The following PAG1 variants were observed in gnomAD, a reference collection of about 807,000 sequenced individuals.
PAG1 encodes the protein phosphoprotein membrane anchor with glycosphingolipid microdomains 1.
Under a neutral mutation model 31.7 loss-of-function variants are expected in PAG1, and 23 were observed. That is an observed-to-expected ratio of 0.73 (90% CI 0.52 to 1.03). The LOEUF (loss-of-function observed/expected upper bound fraction) is 1.03, where lower values mean the gene tolerates loss of function less well. PAG1 is among the 50% of genes least tolerant of loss of function. The pLI, the probability that PAG1 is intolerant of heterozygous loss-of-function variation, is 0.00. For missense variants in PAG1, 473 were observed against 540.7 expected (o/e 0.87, Z 1.24); for synonymous variants, 214 against 210.3 (o/e 1.02, Z -0.15).
In PAG1 at chr8:81,062,770, C is replaced by T. The variant is rs143990444; in HGVS notation, c.-175+7342G>A. Among the ~76,000 whole-genome samples, 531 of 152,190 alleles carry T rather than the reference C, an allele frequency of 3.5e-3. 4 individuals carry two copies. Among genetic ancestry groups the T allele is most frequent in the African/African-American group, 0.012 (504 of 41,518 alleles). ...CATAGTTCACTGCAGCCACAAACTC[C>T]AGGACTCAGGTGATCCTCCCACCTC... On this transcript the variant is annotated intron_variant, in intron 2 of 8. Coordinates refer to ENST00000220597, the MANE Select transcript of PAG1 (RefSeq NM_018440.4).
chr8:81,003,820 T>C (rs1038901025), intron 3 of PAG1, among the ~76,000 whole-genome samples: 14 of 152,196 alleles, frequency 9.2e-5, no homozygotes, highest in African/African-American at 3.4e-4. Flanking sequence ...AAATTCTTAA[T>C]GTGATCAATA....
At chr8:80,997,507 G>A (rs184474333) in intron 3 of PAG1, among the ~76,000 whole-genome samples, 40 of 152,094 alleles carry the variant, frequency 2.6e-4, no homozygotes, top group Non-Finnish European at 3.5e-4. Flanking sequence ...CTCCCACCTC[G>A]GCCTCCCAAA....
intron 7 of PAG1, among the ~76,000 whole-genome samples, chr8:80,980,734 T>C (rs1282227675): frequency 6.6e-6 from 1 of 152,244 alleles, no homozygotes; most frequent in Non-Finnish European, 1.5e-5. Context: ...CATCTGTAGG[T>C]ACAAAGAAGC....
chr8:81,000,666 T>A (rs889605201), intron 3 of PAG1, among the ~76,000 whole-genome samples: 3 of 152,142 alleles, frequency 2.0e-5, no homozygotes, highest in Non-Finnish European at 4.4e-5. Flanking sequence ...GGTCTTGAAC[T>A]CCTGATCTCA....
rs1378638861 is a variant in PAG1 at position 80,973,005 on chromosome 8, A to C, written c.*3539T>G. 6.6e-6 allele frequency: 1 copy of C among 151,682 alleles called. No individual in the cohort carries two copies. The highest frequency in any genetic ancestry group is 1.5e-5 in the Non-Finnish European group (1 of 67,932). 9.4% of individuals were successfully genotyped at this position (151,682 alleles called of 1,614,324 possible). On this transcript the variant is annotated 3_prime_UTR_variant, in exon 9 of 9. Transcript: ENST00000220597. ...TTAAGTAAATGCTCTAATTAGCAAA[A>C]ATCATGAGAAATATATACAGTGATA...
chr8:81,069,782 T>C (rs1184183597), intron 2 of PAG1, among the ~76,000 whole-genome samples: 3 of 152,194 alleles, frequency 2.0e-5, no homozygotes, highest in African/African-American at 7.2e-5. Flanking sequence ...AGGAAAGAGA[T>C]TGAGACAGAG....
At position 80,976,690 on chromosome 8, in the gene PAG1, G is replaced by C. The variant is rs1470938605; in HGVS notation, c.1153C>G (p.Pro385Ala). Residue 385 changes from proline (P) to alanine (A), a missense_variant, in exon 9 of 9, where the codon CCT (proline) becomes GCT (alanine). By Grantham distance (27) the Pro-to-Ala change is conservative. Coordinates refer to ENST00000220597, the MANE Select transcript of PAG1 (RefSeq NM_018440.4). ...PAGRPSEEPE[P>A]DYEAIQTLNR... ...AGAGTCTGTATCGCTTCATAATCAG[G>C]CTCTGGCTCCTCGCTGGGCCTCCCT... 6.2e-7 allele frequency: 1 copy of C among 1,614,024 alleles called. No homozygotes were observed. Among genetic ancestry groups the C allele is most frequent in the African/African-American group, 1.3e-5 (1 of 74,910 alleles).
intron 2 of PAG1, among the ~76,000 whole-genome samples, chr8:81,065,819 A>G (rs1808995678): frequency 6.6e-6 from 1 of 150,850 alleles, no homozygotes; most frequent in South Asian, 2.1e-4. Context: ...ATGTGTGTGT[A>G]TGTGTGTATA....
chr8:81,066,574 C>T (rs1055848988), intron 2 of PAG1, among the ~76,000 whole-genome samples: 3 of 152,090 alleles, frequency 2.0e-5, no homozygotes, highest in South Asian at 2.1e-4. Flanking sequence ...AAGTACAATA[C>T]AATATGAAGT....
chr8:81,016,991 G>C (rs1808083667), intron 3 of PAG1, among the ~76,000 whole-genome samples: 1 of 152,196 alleles, frequency 6.6e-6, no homozygotes, highest in South Asian at 2.1e-4. Context: ...AGAAAAGTGA[G>C]AGAGCCCCAC....
rs1454945961 is a variant in PAG1 at position 80,988,813 on chromosome 8, A to G, written c.178-1347T>C. Among the ~76,000 whole-genome samples the G allele has an allele frequency of 2.6e-5, 4 of 152,322 alleles. No individual in the cohort carries two copies. In the Middle Eastern group the frequency reaches 0.01, roughly 389 times the overall value. ...ACATTTGGAGGGAAGAATGGCATCA[A>G]TAGTTGGTTTTCTGCAGGGATAGAA... is the stretch of plus-strand genomic sequence containing the variant. On this transcript the variant is annotated intron_variant, in intron 5 of 8. Transcript: ENST00000220597.
intron 2 of PAG1, among the ~76,000 whole-genome samples, chr8:81,035,484 T>C (rs1039709051): frequency 1.7e-4 from 26 of 152,112 alleles, no homozygotes; most frequent in African/African-American, 5.6e-4. Flanking sequence ...ACAGCTGGCA[T>C]TGGGCAAGAT....
chr8:81,047,450 A>C (rs1808659924), intron 2 of PAG1, among the ~76,000 whole-genome samples: 2 of 152,102 alleles, frequency 1.3e-5, no homozygotes, highest in African/African-American at 4.8e-5. Context: ...AGTGATTTTG[A>C]GCTTTTTTTC....
chr8:81,089,546 C>T (rs1311252745), intron 1 of PAG1, among the ~76,000 whole-genome samples: 8 of 149,590 alleles, frequency 5.3e-5, no homozygotes, highest in Admixed American at 2.7e-4. Flanking sequence ...CCAGCCTGGG[C>T]GACAGAGCGA....
chr8:80,998,848 G>T (rs1029253008), intron 3 of PAG1, among the ~76,000 whole-genome samples: 2 of 152,114 alleles, frequency 1.3e-5, no homozygotes, highest in Non-Finnish European at 1.5e-5. Context: ...AATTAAACAT[G>T]ATAGAAACCA....
At chr8:81,010,700 T>C (rs934760206) in intron 3 of PAG1, among the ~76,000 whole-genome samples, 1 of 152,232 alleles carries the variant, frequency 6.6e-6, no homozygotes, top group African/African-American at 2.4e-5. Flanking sequence ...TCTATTGACC[T>C]TCATTGTTTA....
intron 8 of PAG1, among the ~76,000 whole-genome samples, chr8:80,977,983 C>T (rs1807218327): frequency 6.6e-6 from 1 of 152,184 alleles, no homozygotes; most frequent in Admixed American, 6.5e-5. Context: ...TTCCCAAGGG[C>T]TGAGGGACAT....
Position 80,974,034 on chromosome 8 carries a change from T to C in PAG1, c.*2510A>G, listed in dbSNP as rs542760213. On this transcript the variant is annotated 3_prime_UTR_variant, in exon 9 of 9. Coordinates refer to ENST00000220597, the MANE Select transcript of PAG1 (RefSeq NM_018440.4). ...AACCACTGGTTCTCAAATTAAAAGG[T>C]ATATTTCAGTGCATATTTCATAGCC... The C allele has an allele frequency of 3.9e-5, 6 of 152,232 alleles. No individual in the cohort carries two copies. The South Asian group carries it at 6.2e-4, about 16-fold the overall frequency. The allele number at this position is 152,232 out of a possible 1,614,324, so 9.4% of individuals were successfully genotyped here. A position where few individuals can be genotyped will look rare whatever the true frequency, so the allele number is the denominator to read the frequency against.
In PAG1 at chr8:81,070,098, T is replaced by A. The variant is rs953374061; in HGVS notation, c.-175+14A>T. 3.7e-4 allele frequency: 56 copies of A among 152,296 alleles called. No individual in the cohort carries two copies. Among genetic ancestry groups the A allele is most frequent in the African/African-American group, 1.3e-3 (55 of 41,554 alleles). The allele number at this position is 152,296 out of a possible 1,614,324, so 9.4% of individuals were successfully genotyped here. A position where few individuals can be genotyped will look rare whatever the true frequency, so the allele number is the denominator to read the frequency against. ...ATGTAGAATAAACCAGATAAATAAA[T>A]ACTTTGAAATCACCTTTTCCCAGCA... is the stretch of plus-strand genomic sequence containing the variant. On this transcript the variant is annotated intron_variant, in intron 2 of 8. Coordinates refer to ENST00000220597, the MANE Select transcript of PAG1 (RefSeq NM_018440.4).
Sources: gnomAD v4.1 joint callset for allele counts (sites outside exome capture counted in the v4.1 genomes callset) on GRCh38, gnomAD v4.1.1 for gene constraint, MANE v1.5 for transcripts, NCBI Gene and HGNC (gene_info 2026-07-23, HGNC 2026-07-21) for gene names.